Variants in TNPO1 observed in about 807,000 individuals in gnomAD.
The protein encoded by TNPO1 is transportin 1.
TNPO1 carries 8 observed loss-of-function variants against 119.5 expected under a neutral mutation model. The ratio of observed to expected loss-of-function variants is 0.07; its 90% confidence interval spans 0.04 to 0.12. The LOEUF (loss-of-function observed/expected upper bound fraction) is 0.12. Ranked by LOEUF, TNPO1 falls within the 10% of genes least tolerant of loss-of-function variation. The pLI, the probability that TNPO1 is intolerant of heterozygous loss-of-function variation, is 1.00. For missense variants in TNPO1, 576 were observed against 1,089.8 expected, an observed-to-expected ratio of 0.53 and a Z score of 6.64; for synonymous variants, 362 against 363.0, an observed-to-expected ratio of 1.00 and a Z score of 0.03.
chr5:72,852,669 A>G (rs34658), intron 3 of TNPO1, among the ~76,000 whole-genome samples: 125,240 of 152,174 alleles, frequency 0.82, 51,777 homozygotes, highest in Non-Finnish European at 0.86. Flanking sequence ...ACAGGTTAAT[A>G]GTGTTATTGT....
At chr5:72,825,704 T>G (rs1185310399) in intron 1 of TNPO1, 2 of 152,138 alleles carry the variant, frequency 1.3e-5, no homozygotes, top group Non-Finnish European at 2.9e-5. Context: ...AACAAAACTC[T>G]AGAGAGATCC....
chr5:72,848,843 G>T (rs187863289), intron 2 of TNPO1, among the ~76,000 whole-genome samples: 4 of 150,562 alleles, frequency 2.7e-5, no homozygotes, highest in Admixed American at 6.6e-5. Context: ...GACCTGCCGC[G>T]GGGGTAGGGA....
intron 1 of TNPO1, among the ~76,000 whole-genome samples, chr5:72,831,533 CATATTATTAACATATTAAAAATT>C (rs2112190813): frequency 6.6e-6 from 1 of 151,924 alleles, no homozygotes; most frequent in South Asian, 2.1e-4. Flanking sequence ...ACATGAATTT[CATATTATTAACATATTAAAAATT>C]ATTTTGTATA....
At chr5:72,820,014 G>A (rs1048110276) in intron 1 of TNPO1, among the ~76,000 whole-genome samples, 1 of 152,152 alleles carries the variant, frequency 6.6e-6, no homozygotes, top group Admixed American at 6.5e-5. Context: ...GTACTACGTA[G>A]TAACTACTGT....
At chr5:72,892,181 A>G (rs886453244) in intron 15 of TNPO1, among the ~76,000 whole-genome samples, 19 of 152,156 alleles carry the variant, frequency 1.2e-4, no homozygotes, top group African/African-American at 3.9e-4. Flanking sequence ...ATATATATAT[A>G]TATCTTTTCA....
chr5:72,848,095 T>C lies in TNPO1; in HGVS notation c.16-290T>C, dbSNP rs150251756. The stretch of plus-strand genomic sequence containing the variant: ...CCCAGGGGGCTCCCGTGAGCGGATC[T>C]TGGGGCCAGATTGCAAATTCGCGGT... On this transcript the variant is annotated intron_variant, in intron 1 of 24. Coordinates refer to ENST00000337273, the MANE Select transcript of TNPO1 (RefSeq NM_002270.4). The C allele has an allele frequency of 9.1e-4, 1,005 of 1,109,512 alleles. 11 individuals are homozygous for C. The African/African-American group carries it at 0.016, about 17-fold the overall frequency. 68.7% of individuals were successfully genotyped at this position (1,109,512 alleles called of 1,614,324 possible).
At chr5:72,899,870 AT>A in intron 20 of TNPO1, 135 bp from the exon 21 acceptor site, 1 of 667,008 alleles carries the variant, frequency 1.5e-6, no homozygotes, top group South Asian at 2.1e-5. Flanking sequence ...TCTTATGTTT[AT>A]TATCATACAC....
At chr5:72,834,975 G>A (rs922070417) in intron 1 of TNPO1, among the ~76,000 whole-genome samples, 2 of 151,564 alleles carry the variant, frequency 1.3e-5, no homozygotes, top group African/African-American at 4.9e-5. Flanking sequence ...TTACCATTGT[G>A]TTACCATTGC....
intron 6 of TNPO1, chr5:72,871,795 G>A (rs981243506): frequency 6.6e-6 from 1 of 151,862 alleles, no homozygotes; most frequent in African/African-American, 2.4e-5. Flanking sequence ...ATTGAAGTTA[G>A]GGGGTAAGGG....
rs1745970829 is a variant in TNPO1, at chr5:72,855,999, A to G, written c.355+76A>G. 2.7e-6 allele frequency: 4 copies of G among 1,479,080 alleles called. No homozygotes were observed. In the East Asian group the frequency reaches 6.8e-5, roughly 25 times the overall value. 91.6% of individuals were successfully genotyped at this position (1,479,080 alleles called of 1,614,324 possible). On this transcript the variant is annotated intron_variant, in intron 4 of 24. Transcript: ENST00000337273. Reference sequence around the variant, plus strand: ...TTTAGAGATGACAGATTATTTCCTTAGGAATTTTTGTCTGTTTCATGTTAA... The same window carrying G: ...TTTAGAGATGACAGATTATTTCCTTGGGAATTTTTGTCTGTTTCATGTTAA...
In TNPO1 at chr5:72,875,603, CT is replaced by C; in HGVS notation, c.679-10del. On this transcript the variant is annotated splice_polypyrimidine_tract_variant and intron_variant, in intron 7 of 24. Transcript: ENST00000337273. ...TTTCTAAAACTAGAAAAAATTATTT[CT>C]TGTGCAACAGAATCTCTTTGCATTA... 6.2e-7 allele frequency: 1 copy of C among 1,607,968 alleles called. No homozygotes were observed. The highest frequency in any genetic ancestry group is 8.5e-7 in the Non-Finnish European group (1 of 1,175,408).
chr5:72,862,608 T>G (rs967909255), intron 5 of TNPO1, among the ~76,000 whole-genome samples: 2 of 152,006 alleles, frequency 1.3e-5, no homozygotes, highest in African/African-American at 4.8e-5. Context: ...ATTACAGGCA[T>G]GAGCCACTGC....
chr5:72,897,629 A>T lies in TNPO1; in HGVS notation c.2338+478A>T, dbSNP rs1749525712. Among the ~76,000 whole-genome samples, 5 of 146,260 alleles carry T rather than the reference A, an allele frequency of 3.4e-5. 1 individual carries two copies. In the South Asian group the frequency reaches 8.6e-4, roughly 25 times the overall value. ...CAGTATGTTATGGGATTTTTTTTTT[A>T]ATTTATTTTTTTTTTTTTAGGAAGC... On this transcript the variant is annotated intron_variant, in intron 20 of 24. Transcript: ENST00000337273.
chr5:72,858,710 A>G (rs1228425813), intron 4 of TNPO1, among the ~76,000 whole-genome samples: 1 of 151,956 alleles, frequency 6.6e-6, no homozygotes, highest in Non-Finnish European at 1.5e-5. Flanking sequence ...GGTGGTGGGC[A>G]CCTGTAGTCC....
Position 72,905,518 on chromosome 5 carries a change from A to G in TNPO1, c.*35+73A>G, listed in dbSNP as rs184811821. Reference sequence around the variant, plus strand: ...TAGGGCTGTCATTTCAAACTACTAAATAGAATAAAAAGCTATTTGTTTTCT... The same window carrying G: ...TAGGGCTGTCATTTCAAACTACTAAGTAGAATAAAAAGCTATTTGTTTTCT... On this transcript the variant is annotated intron_variant, in intron 24 of 24. Coordinates refer to ENST00000337273, the MANE Select transcript of TNPO1 (RefSeq NM_002270.4). The G allele has an allele frequency of 6.4e-3, 4,244 of 660,868 alleles. 17 individuals are homozygous for G. The highest frequency in any genetic ancestry group is 8.6e-3 in the Non-Finnish European group (3,292 of 381,234). The allele number at this position is 660,868 out of a possible 1,614,324, so 40.9% of individuals were successfully genotyped here.
At chr5:72,887,887 CTG>C (rs749537794) in intron 12 of TNPO1, among the ~76,000 whole-genome samples, 189 bp from the exon 13 acceptor site, 2 of 152,138 alleles carry the variant, frequency 1.3e-5, no homozygotes, top group Non-Finnish European at 2.9e-5. Context: ...AATTGAAACA[CTG>C]TAAGATGCTT....
Position 72,883,595 on chromosome 5 carries a change from A to G in TNPO1, c.1150+363A>G, listed in dbSNP as rs74600376. 4.8e-3 allele frequency among the ~76,000 whole-genome samples: 737 copies of G among 152,296 alleles called. 7 individuals carry two copies. The highest frequency in any genetic ancestry group is 0.017 in the African/African-American group (716 of 41,560). On this transcript the variant is annotated intron_variant, in intron 11 of 24. Coordinates refer to ENST00000337273, the MANE Select transcript of TNPO1 (RefSeq NM_002270.4). ...GGTTCATTTTGTAGCATTCACTTGT[A>G]TTGTGAAATAATATTTCATTGTAAT...
intron 1 of TNPO1, among the ~76,000 whole-genome samples, chr5:72,820,392 A>G (rs1049630125): frequency 5.3e-5 from 8 of 152,162 alleles, no homozygotes; most frequent in African/African-American, 1.7e-4. Context: ...GAACTTATTA[A>G]TATAATAAAT....
intron 9 of TNPO1, among the ~76,000 whole-genome samples, chr5:72,877,823 C>G (rs1747915695): frequency 6.6e-6 from 1 of 152,060 alleles, no homozygotes; most frequent in Admixed American, 6.5e-5. Context: ...CGCATTTTCA[C>G]CACCCTGAGT....
Sources: gnomAD v4.1 joint callset for allele counts (sites outside exome capture counted in the v4.1 genomes callset) on GRCh38, gnomAD v4.1.1 for gene constraint, MANE v1.5 for transcripts, NCBI Gene and HGNC (gene_info 2026-07-23, HGNC 2026-07-21) for gene names.